PCDH15: variants seen among roughly 807,000 people sequenced by gnomAD.
The protein encoded by PCDH15 is protocadherin related 15.
A neutral mutation model predicts 178.5 loss-of-function variants in PCDH15; 129 were observed. The observed-to-expected ratio is 0.72, with a 90% CI of 0.63 to 0.84. The LOEUF (loss-of-function observed/expected upper bound fraction) is 0.84. Among genes scored for constraint, PCDH15 ranks in the 40% least tolerant of loss-of-function variants. The pLI is 0.00. For missense variants in PCDH15, 2,230 were observed against 2,099.9 expected, an observed-to-expected ratio of 1.06 and a Z score of -1.21; for synonymous variants, 800 against 732.0, an observed-to-expected ratio of 1.09 and a Z score of -1.50.
chr10:54,054,271 G>A (rs2093836897), intron 18 of PCDH15, among the ~76,000 whole-genome samples: 1 of 152,000 alleles, frequency 6.6e-6, no homozygotes, highest in Non-Finnish European at 1.5e-5. Flanking sequence ...GATAAAAAAG[G>A]AATACATAGA....
chr10:54,827,746 C>A (rs11004588), intron 3 of PCDH15, among the ~76,000 whole-genome samples: 42,577 of 151,874 alleles, frequency 0.28, 6,102 homozygotes, highest in Middle Eastern at 0.37. Context: ...CTGGCAAAGA[C>A]AACAGATATT....
rs569703253 is a variant in PCDH15 at position 55,576,131 on chromosome 10, T to G, written c.-156+51494A>C. On this transcript the variant is annotated intron_variant, in intron 2 of 5. Transcript: ENST00000613346. ...ATATAACTTTTGACTCCCCCGAAATTTAACTGCTACTAGCAGTTAATAGAT... is the reference window on the plus strand; with the variant it reads ...ATATAACTTTTGACTCCCCCGAAATGTAACTGCTACTAGCAGTTAATAGAT... Among the ~76,000 whole-genome samples, 320 of 152,288 alleles carry G rather than the reference T, an allele frequency of 2.1e-3. 1 individual carries two copies. The highest frequency in any genetic ancestry group is 7.1e-3 in the African/African-American group (293 of 41,552).
At chr10:54,344,018 T>G (rs1381273183) in intron 6 of PCDH15, among the ~76,000 whole-genome samples, 1 of 152,102 alleles carries the variant, frequency 6.6e-6, no homozygotes, top group East Asian at 1.9e-4. Context: ...TTACTAGAGA[T>G]TTAGTAGTAG....
chr10:54,579,016 A>T (rs1011112416), intron 2 of PCDH15, among the ~76,000 whole-genome samples: 1 of 152,272 alleles, frequency 6.6e-6, no homozygotes. Context: ...ATGGAAAAAA[A>T]GGACAATTTC....
chr10:55,107,484 CTTTTTTT>C (rs11290952), intron 2 of PCDH15, among the ~76,000 whole-genome samples: 4 of 86,246 alleles, frequency 4.6e-5, no homozygotes, highest in South Asian at 4.6e-4. Flanking sequence ...ATTCTCTTTC[CTTTTTTT>C]TTTTTTTTTT....
chr10:54,888,005 C>A (rs1023730299), intron 3 of PCDH15, among the ~76,000 whole-genome samples: 1 of 152,096 alleles, frequency 6.6e-6, no homozygotes, highest in African/African-American at 2.4e-5. Context: ...AGGCTGTCCA[C>A]AATGAGTATT....
At chr10:55,138,952 A>G (rs1360157005) in intron 2 of PCDH15, among the ~76,000 whole-genome samples, 2 of 152,092 alleles carry the variant, frequency 1.3e-5, no homozygotes, top group African/African-American at 4.8e-5. Context: ...ATTTGTTACT[A>G]TTTACTGCAG....
chr10:55,607,743 T>A (rs1273969947), intron 2 of PCDH15, among the ~76,000 whole-genome samples: 1 of 91,848 alleles, frequency 1.1e-5, no homozygotes, highest in Admixed American at 1.4e-4. Flanking sequence ...CTCTGGGGAC[T>A]GTTGTGGGGT....
At position 54,723,302 on chromosome 10, in the gene PCDH15, A is replaced by G. The variant is rs891108811; in HGVS notation, c.-28-59012T>C. ...TAACAAAAGTAAATAGGGAGGAAAG[A>G]TGCTCTATTCAATAAATGATGCTGG... On this transcript the variant is annotated intron_variant, in intron 1 of 37. Coordinates refer to ENST00000644397, the MANE Select transcript of PCDH15 (RefSeq NM_001384140.1). Among the ~76,000 whole-genome samples, 27 of 151,760 alleles carry G rather than the reference A, an allele frequency of 1.8e-4. 1 individual carries two copies. Among genetic ancestry groups the G allele is most frequent in the Admixed American group, 5.3e-4 (8 of 15,170 alleles).
chr10:53,977,077 T>A (rs755869517), intron 21 of PCDH15, among the ~76,000 whole-genome samples: 1 of 152,214 alleles, frequency 6.6e-6, no homozygotes, highest in South Asian at 2.1e-4. Flanking sequence ...CTCTGCAATA[T>A]AAACCCCTGA....
chr10:54,043,562 A>AT (rs1319714471), intron 18 of PCDH15, among the ~76,000 whole-genome samples: 3 of 150,332 alleles, frequency 2.0e-5, no homozygotes, highest in Non-Finnish European at 4.5e-5. Context: ...TAATTTTTGT[A>AT]TTTTTTTGTA....
intron 2 of PCDH15, among the ~76,000 whole-genome samples, chr10:54,948,515 T>C (rs1369037929): frequency 6.6e-6 from 1 of 151,924 alleles, no homozygotes; most frequent in Admixed American, 6.6e-5. Context: ...TGTAAGAGAT[T>C]AGCACTTACA....
upstream of PCDH15, among the ~76,000 whole-genome samples, chr10:54,804,521 C>CT (rs778078863): frequency 6.6e-6 from 1 of 151,230 alleles, no homozygotes; most frequent in Non-Finnish European, 1.5e-5. Flanking sequence ...TCTTAAATTC[C>CT]TTTTTGCACC....
chr10:54,134,427 T>A (rs1356511441), intron 14 of PCDH15, among the ~76,000 whole-genome samples: 1 of 152,122 alleles, frequency 6.6e-6, no homozygotes, highest in Non-Finnish European at 1.5e-5. Context: ...TCTGAGTTTA[T>A]TAACTACAAC....
chr10:53,890,019 ACACTACCGTGTT>A (rs2081441331), intron 26 of PCDH15, among the ~76,000 whole-genome samples: 3 of 152,212 alleles, frequency 2.0e-5, no homozygotes, highest in Admixed American at 2.0e-4. Flanking sequence ...GGCACTGGTT[ACACTACCGTGTT>A]CACTTTGTAA....
Position 55,498,345 on chromosome 10 carries a change from T to C in PCDH15, c.-156+129280A>G, listed in dbSNP as rs566964362. Among the ~76,000 whole-genome samples, 6 of 151,986 alleles carry C rather than the reference T, an allele frequency of 3.9e-5. No individual in the cohort carries two copies. In the South Asian group the frequency reaches 6.2e-4, roughly 16 times the overall value. ...CTGCAGAATATAAAATTAGTGTGCT[T>C]GTAAAATGACTTGAAATTCCACAGT... On this transcript the variant is annotated intron_variant, in intron 2 of 5. Transcript: ENST00000613346.
intron 2 of PCDH15, among the ~76,000 whole-genome samples, chr10:55,398,959 G>GA (rs1202319996): frequency 6.6e-6 from 1 of 151,958 alleles, no homozygotes. Context: ...ATATATGAAT[G>GA]AAAAAATGTT....
chr10:54,678,208 G>A (rs1169448958), intron 1 of PCDH15, among the ~76,000 whole-genome samples: 1 of 152,100 alleles, frequency 6.6e-6, no homozygotes, highest in Non-Finnish European at 1.5e-5. Context: ...TTTCTTAAAT[G>A]CACATGTACC....
chr10:54,906,228 G>A (rs541765524), intron 2 of PCDH15, among the ~76,000 whole-genome samples: 1 of 152,190 alleles, frequency 6.6e-6, no homozygotes, highest in Admixed American at 6.5e-5. Context: ...ATCATTGAAA[G>A]TCTGCACAAG....
Sources: gnomAD v4.1 joint callset for allele counts (sites outside exome capture counted in the v4.1 genomes callset) on GRCh38, gnomAD v4.1.1 for gene constraint, MANE v1.5 for transcripts, NCBI Gene and HGNC (gene_info 2026-07-23, HGNC 2026-07-21) for gene names.